UBASH3B: variants seen among roughly 807,000 people sequenced by gnomAD.
UBASH3B encodes ubiquitin-associated and SH3 domain-containing protein B.
A neutral mutation model predicts 83.4 loss-of-function variants in UBASH3B; 37 were observed. The observed-to-expected ratio is 0.44, with a 90% CI of 0.34 to 0.58. UBASH3B has a LOEUF of 0.58. UBASH3B is among the 20% of genes least tolerant of loss of function. The pLI is 0.01. For synonymous variants in UBASH3B, 304 were observed against 318.3 expected (o/e 0.96, Z 0.48); for missense variants, 657 against 827.2 (o/e 0.79, Z 2.52).
At position 122,813,786 on chromosome 11, in the gene UBASH3B, A is replaced by G. The variant is rs1477919045; in HGVS notation, c.*3900A>G. 2 of 152,224 alleles carry G rather than the reference A, an allele frequency of 1.3e-5. No individual in the cohort carries two copies. The highest frequency in any genetic ancestry group is 1.9e-4 in the East Asian group (1 of 5,198). The allele number at this position is 152,224 out of a possible 1,614,324, so 9.4% of individuals were successfully genotyped here. ...GCTTTTCATTTTTAAACATAGAATT[A>G]AAATTGGATTTGCTTCTCTTTAATA... On this transcript the variant is annotated 3_prime_UTR_variant, in exon 14 of 14. Coordinates refer to ENST00000284273, the MANE Select transcript of UBASH3B (RefSeq NM_032873.5).
chr11:122,710,376 G>A (rs567779130), intron 1 of UBASH3B, among the ~76,000 whole-genome samples: 74 of 152,184 alleles, frequency 4.9e-4, no homozygotes, highest in African/African-American at 1.4e-3. Flanking sequence ...TGTTGTGCAC[G>A]CTTATTACAA....
rs564172334 is a variant in UBASH3B, at chr11:122,795,863, TG to T, written c.1114-291del. ...TTTACCTCTGAGCTGTAACTTAAAGTGGACGTCATATTTTAGTGGCCACTTT... is the reference window on the plus strand; with the variant it reads ...TTTACCTCTGAGCTGTAACTTAAAGTGACGTCATATTTTAGTGGCCACTTT... On this transcript the variant is annotated intron_variant, in intron 7 of 13. Coordinates refer to ENST00000284273, the MANE Select transcript of UBASH3B (RefSeq NM_032873.5). 6.4e-3 allele frequency among the ~76,000 whole-genome samples: 976 copies of T among 152,376 alleles called. 12 individuals are homozygous for T. The highest frequency in any genetic ancestry group is 0.022 in the African/African-American group (918 of 41,590).
At chr11:122,735,748 G>T (rs1860921154) in intron 1 of UBASH3B, among the ~76,000 whole-genome samples, 1 of 152,154 alleles carries the variant, frequency 6.6e-6, no homozygotes, top group Non-Finnish European at 1.5e-5. Context: ...CAGGCAGAGG[G>T]CCCAGCATGT....
At chr11:122,727,920 T>G (rs1283441780) in intron 1 of UBASH3B, among the ~76,000 whole-genome samples, 1 of 152,104 alleles carries the variant, frequency 6.6e-6, no homozygotes, top group South Asian at 2.1e-4. Flanking sequence ...CCAGTCCCTA[T>G]CCTGAAGGCT....
chr11:122,803,551 G>A (rs1387474573), intron 11 of UBASH3B, among the ~76,000 whole-genome samples: 1 of 151,994 alleles, frequency 6.6e-6, no homozygotes, highest in Admixed American at 6.5e-5. Flanking sequence ...GCCTGGGGGG[G>A]TTGAAAACAA....
At chr11:122,727,238 T>G (rs999012189) in intron 1 of UBASH3B, among the ~76,000 whole-genome samples, 2 of 152,218 alleles carry the variant, frequency 1.3e-5, no homozygotes, top group Non-Finnish European at 2.9e-5. Context: ...TTTTCTTTTT[T>G]CTTCCACCAC....
At chr11:122,796,379 G>T in intron 8 of UBASH3B, 103 bp downstream of exon 8, 1 of 1,518,456 alleles carries the variant, frequency 6.6e-7, no homozygotes, top group Non-Finnish European at 8.9e-7. Flanking sequence ...ATAGTTTTGC[G>T]TACTATAGAA....
intron 1 of UBASH3B, among the ~76,000 whole-genome samples, chr11:122,673,858 C>G (rs1863632483): frequency 6.6e-6 from 1 of 152,200 alleles, no homozygotes; most frequent in African/African-American, 2.4e-5. Context: ...GAAGTACTCT[C>G]AAATTTCTTC....
intron 1 of UBASH3B, among the ~76,000 whole-genome samples, chr11:122,667,037 CT>C (rs148029449): frequency 0.017 from 1,757 of 101,506 alleles, 20 homozygotes; most frequent in South Asian, 0.026. Flanking sequence ...TAATGGCATT[CT>C]TTTTTTTTTT....
chr11:122,735,159 A>C (rs1860912135), intron 1 of UBASH3B, among the ~76,000 whole-genome samples: 1 of 152,190 alleles, frequency 6.6e-6, no homozygotes, highest in Admixed American at 6.5e-5. Context: ...ATTCCAAGCA[A>C]AATGACATTA....
intron 5 of UBASH3B, among the ~76,000 whole-genome samples, chr11:122,788,404 A>G (rs1248943175): frequency 6.6e-6 from 1 of 152,138 alleles, no homozygotes; most frequent in Non-Finnish European, 1.5e-5. Flanking sequence ...CCCTGTCTCT[A>G]CTAAAAATAC....
chr11:122,678,404 A>G (rs1863694333), intron 1 of UBASH3B, among the ~76,000 whole-genome samples: 1 of 152,128 alleles, frequency 6.6e-6, no homozygotes, highest in Non-Finnish European at 1.5e-5. Flanking sequence ...TGTCTGGCTG[A>G]CCCATGTTCC....
In UBASH3B at chr11:122,690,167, CATATATATATATATATAT is replaced by C. The variant is rs57203901; in HGVS notation, c.161+33982_161+33999del. 9.9e-4 allele frequency among the ~76,000 whole-genome samples: 43 copies of C among 43,568 alleles called. 2 individuals carry two copies. Among genetic ancestry groups the C allele is most frequent in the Non-Finnish European group, 1.6e-3 (34 of 21,612 alleles). 28.6% of individuals were successfully genotyped at this position (43,568 alleles called of 152,430 possible). On this transcript the variant is annotated intron_variant, in intron 1 of 13. Coordinates refer to ENST00000284273, the MANE Select transcript of UBASH3B (RefSeq NM_032873.5). ...GAGGCCTGCTCCCGAGGCAGGAAAA[CATATATATATATATATAT>C]ATATATATATATATATATATATATC...
At chr11:122,695,067 G>T (rs575146853) in intron 1 of UBASH3B, among the ~76,000 whole-genome samples, 2 of 139,110 alleles carry the variant, frequency 1.4e-5, no homozygotes, top group South Asian at 5.0e-4. Flanking sequence ...GGGTTCAAGC[G>T]ATTCTCCTGT....
chr11:122,683,604 CAAAAAAAA>C (rs35467373), intron 1 of UBASH3B, among the ~76,000 whole-genome samples: 4 of 36,878 alleles, frequency 1.1e-4, no homozygotes, highest in South Asian at 1.2e-3. Flanking sequence ...GACTCCTTCT[CAAAAAAAA>C]AAAAAAATAA....
intron 1 of UBASH3B, among the ~76,000 whole-genome samples, chr11:122,762,612 C>T (rs1489544722): frequency 2.6e-5 from 4 of 152,240 alleles, no homozygotes; most frequent in South Asian, 4.1e-4. Context: ...ACTCCCCTGC[C>T]TGGCTCCCAA....
chr11:122,724,795 A>AGT (rs1371518768), intron 1 of UBASH3B, among the ~76,000 whole-genome samples: 1 of 152,072 alleles, frequency 6.6e-6, no homozygotes. Context: ...ATGAAAAGGA[A>AGT]GTGGGAGGTG....
chr11:122,789,445 G>A, intron 6 of UBASH3B, 137 bp downstream of exon 6: 1 of 956,728 alleles, frequency 1.0e-6, no homozygotes, highest in South Asian at 1.6e-5. Context: ...GAAAGGAGCT[G>A]ATTTGAGGCA....
chr11:122,783,560 T>C (rs1366278221), intron 5 of UBASH3B, among the ~76,000 whole-genome samples: 4 of 152,162 alleles, frequency 2.6e-5, no homozygotes, highest in Non-Finnish European at 5.9e-5. Flanking sequence ...ATTTATGGTG[T>C]TAATGGAAGA....
Sources: gnomAD v4.1 joint callset for allele counts (sites outside exome capture counted in the v4.1 genomes callset) on GRCh38, gnomAD v4.1.1 for gene constraint, MANE v1.5 for transcripts, NCBI Gene and HGNC (gene_info 2026-07-23, HGNC 2026-07-21) for gene names.